ABHD17B: variants seen among roughly 807,000 people sequenced by gnomAD.
ABHD17B encodes the protein abhydrolase domain containing 17B, depalmitoylase.
In ABHD17B, 9 loss-of-function variants were observed where a neutral mutation model predicts 26.2. The ratio of observed to expected loss-of-function variants is 0.34; its 90% CI spans 0.21 to 0.60. The LOEUF (loss-of-function observed/expected upper bound fraction) is 0.60. Among genes scored for constraint, ABHD17B ranks in the 20% least tolerant of loss-of-function variants. The pLI is 0.80. For synonymous variants in ABHD17B, 127 were observed against 122.3 expected (o/e 1.04, Z -0.25); for missense variants, 224 against 352.1 (o/e 0.64, Z 2.91).
intron 1 of ABHD17B, among the ~76,000 whole-genome samples, chr9:71,881,611 G>A (rs1826441805): frequency 6.6e-6 from 1 of 152,160 alleles, no homozygotes; most frequent in Non-Finnish European, 1.5e-5. Context: ...AGGACAGCTG[G>A]GCACGGTGGC....
intron 1 of ABHD17B, among the ~76,000 whole-genome samples, chr9:71,887,872 C>T (rs1826660660): frequency 6.6e-6 from 1 of 152,188 alleles, no homozygotes; most frequent in Non-Finnish European, 1.5e-5. Flanking sequence ...ATGACACAGA[C>T]TTATTTCTAA....
At chr9:71,880,743 G>A (rs138535455) in intron 1 of ABHD17B, among the ~76,000 whole-genome samples, 1 of 151,774 alleles carries the variant, frequency 6.6e-6, no homozygotes, top group Admixed American at 6.6e-5. Context: ...ATATAAAATA[G>A]AATGCAGAAA....
intron 1 of ABHD17B, among the ~76,000 whole-genome samples, chr9:71,909,234 G>A (rs1359476474): frequency 6.6e-6 from 1 of 152,164 alleles, no homozygotes; most frequent in African/African-American, 2.4e-5. Context: ...ACTAGAGTAG[G>A]AGAAAAGAGA....
chr9:71,876,878 A>G (rs747741856), intron 1 of ABHD17B, among the ~76,000 whole-genome samples: 1 of 152,196 alleles, frequency 6.6e-6, no homozygotes, highest in African/African-American at 2.4e-5. Context: ...GCAGAAAAAC[A>G]TCTTGGATAT....
chr9:71,907,819 A>G (rs1169597692), intron 1 of ABHD17B, among the ~76,000 whole-genome samples: 2 of 152,138 alleles, frequency 1.3e-5, no homozygotes, highest in Non-Finnish European at 2.9e-5. Context: ...CTGGCCGGAC[A>G]CTTCGTTTTA....
intron 1 of ABHD17B, among the ~76,000 whole-genome samples, chr9:71,894,273 A>G (rs1246547786): frequency 6.6e-6 from 1 of 152,144 alleles, no homozygotes; most frequent in Non-Finnish European, 1.5e-5. Context: ...TCAGTTGGTA[A>G]CAAAATAGAT....
chr9:71,880,804 G>A (rs1826418947), intron 1 of ABHD17B, among the ~76,000 whole-genome samples: 1 of 151,898 alleles, frequency 6.6e-6, no homozygotes, highest in Non-Finnish European at 1.5e-5. Flanking sequence ...TGGAAAGAAT[G>A]ACTTAATAGC....
chr9:71,897,905 T>C (rs1827005462), intron 1 of ABHD17B, among the ~76,000 whole-genome samples: 1 of 152,210 alleles, frequency 6.6e-6, no homozygotes, highest in Non-Finnish European at 1.5e-5. Context: ...CAAACACTTG[T>C]TACTTGTGCT....
At chr9:71,896,999 A>C (rs1391325354) in intron 1 of ABHD17B, among the ~76,000 whole-genome samples, 1 of 152,202 alleles carries the variant, frequency 6.6e-6, no homozygotes, top group Non-Finnish European at 1.5e-5. Flanking sequence ...GAAGTACAGA[A>C]CAATAAGAAA....
chr9:71,907,250 G>A (rs1459974045), intron 1 of ABHD17B, among the ~76,000 whole-genome samples: 1 of 152,100 alleles, frequency 6.6e-6, no homozygotes, highest in East Asian at 1.9e-4. Context: ...ATAAACTAGA[G>A]CTACCTAAAT....
At chr9:71,880,035 TACAG>T (rs1826393877) in intron 1 of ABHD17B, among the ~76,000 whole-genome samples, 2 of 152,196 alleles carry the variant, frequency 1.3e-5, no homozygotes, top group Admixed American at 6.5e-5. Context: ...GACTTTGAGC[TACAG>T]ACATAGTTTC....
At chr9:71,904,152 T>C (rs1307796748) in intron 1 of ABHD17B, among the ~76,000 whole-genome samples, 1 of 152,240 alleles carries the variant, frequency 6.6e-6, no homozygotes, top group East Asian at 1.9e-4. Flanking sequence ...CCCCTCTCTA[T>C]GTTTTCTTTT....
chr9:71,876,156 A>C (rs953086262), intron 1 of ABHD17B, among the ~76,000 whole-genome samples: 1 of 152,268 alleles, frequency 6.6e-6, no homozygotes, highest in Non-Finnish European at 1.5e-5. Context: ...TGTGGAAAAA[A>C]GGTAAAATCT....
chr9:71,907,016 A>G (rs1827305364), intron 1 of ABHD17B, among the ~76,000 whole-genome samples: 1 of 152,204 alleles, frequency 6.6e-6, no homozygotes, highest in South Asian at 2.1e-4. Flanking sequence ...ATTAAGGCCA[A>G]TGCTTTCTTT....
chr9:71,885,433 C>A (rs1826578118), intron 1 of ABHD17B, among the ~76,000 whole-genome samples: 2 of 140,196 alleles, frequency 1.4e-5, no homozygotes, highest in African/African-American at 2.7e-5. Flanking sequence ...GCACTCCAGC[C>A]TGGGTGACAG....
In ABHD17B at chr9:71,866,545, G is replaced by C. The variant is rs369787481; in HGVS notation, c.*242C>G. 1.4e-4 allele frequency: 188 copies of C among 1,312,004 alleles called. 2 individuals carry two copies. In the East Asian group the frequency reaches 3.3e-3, roughly 23 times the overall value. 81.3% of individuals were successfully genotyped at this position (1,312,004 alleles called of 1,614,324 possible). The stretch of plus-strand genomic sequence containing the variant: ...TAAAATCTCATACAGTACTCATCTT[G>C]ATGTTAAAAAAAAATTCACAGAAAA... On this transcript the variant is annotated 3_prime_UTR_variant, in exon 4 of 4. Coordinates refer to ENST00000333421, the MANE Select transcript of ABHD17B (RefSeq NM_001025780.3).
chr9:71,870,361 C>A (rs372011024), intron 2 of ABHD17B, 99 bp from the exon 3 acceptor site: 22 of 1,118,884 alleles, frequency 2.0e-5, no homozygotes, highest in East Asian at 1.0e-4. Flanking sequence ...AAGACAATGT[C>A]AACTAATCCA....
At chr9:71,893,934 A>C (rs1009794367) in intron 1 of ABHD17B, among the ~76,000 whole-genome samples, 2 of 151,828 alleles carry the variant, frequency 1.3e-5, no homozygotes, top group Non-Finnish European at 2.9e-5. Context: ...ATAAAAATAC[A>C]AAAAAATTAG....
intron 1 of ABHD17B, among the ~76,000 whole-genome samples, chr9:71,888,347 TTTCTA>T (rs1394502694): frequency 5.9e-5 from 9 of 152,262 alleles, no homozygotes; most frequent in Admixed American, 3.3e-4. Context: ...GCTTTTGGCA[TTTCTA>T]TTCTAAGAAT....
Sources: gnomAD v4.1 joint callset for allele counts (sites outside exome capture counted in the v4.1 genomes callset) on GRCh38, gnomAD v4.1.1 for gene constraint, MANE v1.5 for transcripts, NCBI Gene and HGNC (gene_info 2026-07-23, HGNC 2026-07-21) for gene names.